MSLN: variants seen among roughly 807,000 people sequenced by gnomAD.
The protein encoded by MSLN is mesothelin.
In MSLN, 82 loss-of-function variants were observed where a neutral mutation model predicts 72.6. That is an observed-to-expected ratio of 1.13 (90% CI 0.94 to 1.36). The LOEUF is 1.36. Ranked by LOEUF, MSLN falls within the 40% of genes most tolerant of loss-of-function variation. The probability of loss-of-function intolerance (pLI) is 0.00; values close to 1 mark genes in which losing one functional copy is unlikely to be tolerated. For missense variants in MSLN, 1,005 were observed against 847.9 expected, an observed-to-expected ratio of 1.19 and a Z score of -2.30; for synonymous variants, 456 against 387.3, an observed-to-expected ratio of 1.18 and a Z score of -2.08.
At chr16:762,872 G>T (rs1055862768) in intron 3 of MSLN, 107 bp downstream of exon 3, 4 of 932,728 alleles carry the variant, frequency 4.3e-6, no homozygotes, top group Non-Finnish European at 6.4e-6. Flanking sequence ...TGGAGTGCCT[G>T]TGGTGGCCAC....
At position 764,632 on chromosome 16, in the gene MSLN, TC is replaced by T. The variant is rs1567356512; in HGVS notation, c.301-12del. 1.9e-6 allele frequency: 3 copies of T among 1,610,848 alleles called. No individual in the cohort carries two copies. Among genetic ancestry groups the T allele is most frequent in the Non-Finnish European group, 2.5e-6 (3 of 1,178,404 alleles). Reference sequence around the variant, plus strand: ...CGGCTCGAAACGCTCTGTGCTGGACTCCCTGCCCCTGCAGCTGCGCTGTCTG... The same window carrying T: ...CGGCTCGAAACGCTCTGTGCTGGACTCCTGCCCCTGCAGCTGCGCTGTCTG... On this transcript the variant is annotated splice_polypyrimidine_tract_variant and intron_variant, in intron 6 of 17. Coordinates refer to ENST00000545450, the MANE Select transcript of MSLN (RefSeq NM_005823.6).
chr16:763,260 C>A lies in MSLN; in HGVS notation c.113C>A (p.Ala38Asp). Residue 38 changes from alanine to aspartate, a missense_variant, in exon 4 of 18, where the codon GCT (alanine) becomes GAT (aspartate). Ala to Asp is a moderately radical substitution (Grantham distance 126). Coordinates refer to ENST00000545450, the MANE Select transcript of MSLN (RefSeq NM_005823.6). ...TGGGTGCAGCCCTCGAGGACCCTGG[C>A]TGGAGAGACAGGGCAGGTAAGGTCC... Reference protein sequence around the residue: ...LGWVQPSRTLAGETGQEAAPL... With the variant: ...LGWVQPSRTLDGETGQEAAPL... 1 of 1,542,606 alleles carries A rather than the reference C, an allele frequency of 6.5e-7. No individual in the cohort carries two copies. The highest frequency in any genetic ancestry group is 1.2e-5 in the South Asian group (1 of 82,606).
At chr16:763,771 C>CTCCAGCAT in intron 5 of MSLN, 80 bp downstream of exon 5, 1 of 1,057,216 alleles carries the variant, frequency 9.5e-7, no homozygotes. Flanking sequence ...GCACCCCATC[C>CTCCAGCAT]CCCAGCATCC....
Position 763,629 on chromosome 16 carries a change from C to T in MSLN, c.130-13C>T. 6.3e-7 allele frequency: 1 copy of T among 1,596,180 alleles called. No individual in the cohort carries two copies. The highest frequency in any genetic ancestry group is 1.3e-5 in the African/African-American group (1 of 74,538). On this transcript the variant is annotated splice_polypyrimidine_tract_variant and intron_variant, in intron 4 of 17. Coordinates refer to ENST00000545450, the MANE Select transcript of MSLN (RefSeq NM_005823.6). ...CTGGTCTGAGCCATGTTCAGCAGGCCCTGTGTCCCCAGGAGGCTGCGCCCC... is the reference window on the plus strand; with the variant it reads ...CTGGTCTGAGCCATGTTCAGCAGGCTCTGTGTCCCCAGGAGGCTGCGCCCC...
At position 768,454 on chromosome 16, in the gene MSLN, C is replaced by T. The variant is rs552172354; in HGVS notation, c.1672C>T (p.Pro558Ser). 1 of 1,542,562 alleles carries T rather than the reference C, an allele frequency of 6.5e-7. No individual in the cohort carries two copies. Among genetic ancestry groups the T allele is most frequent in the East Asian group, 2.3e-5 (1 of 44,116 alleles). The stretch of plus-strand genomic sequence containing the variant: ...CCTGAAGGCGGAGGAGCGGCACCGC[C>T]CGGTGCGGGACTGGATCCTACGGCA... ...EGLKAEERHR[P>S]VRDWILRQRQ... The change falls in exon 17 of 18, where the codon CCG becomes TCG. Residue 558 changes from proline to serine, a missense_variant. By Grantham distance (74) the Pro-to-Ser change is moderately conservative. Transcript: ENST00000545450.
rs1225547680 is a variant in MSLN, at chr16:765,174, T to C, written c.575T>C (p.Leu192Pro). The C allele has an allele frequency of 1.9e-6, 3 of 1,600,782 alleles. No homozygotes were observed. Among genetic ancestry groups the C allele is most frequent in the South Asian group, 1.1e-5 (1 of 90,520 alleles). Residue 192 changes from leucine to proline, a missense_variant, in exon 9 of 18, where the codon CTG becomes CCG. Transcript: ENST00000545450. The part of the protein sequence containing the change: ...VRALGGLACD[L>P]PGRFVAESAE... ...GCTCTGGGAGGCCTGGCTTGCGACC[T>C]GCCTGGGCGCTTTGTGGCCGAGTCG... is the stretch of plus-strand genomic sequence containing the variant.
At position 766,465 on chromosome 16, in the gene MSLN, A is replaced by G. The variant is rs746803292; in HGVS notation, c.1205A>G (p.Asn402Ser). ...ACCCTGAAGGCTTTGCTTGAAGTCAACAAAGGGCACGAAATGAGTCCTCAG... is the reference window on the plus strand; with the variant it reads ...ACCCTGAAGGCTTTGCTTGAAGTCAGCAAAGGGCACGAAATGAGTCCTCAG... ...LETLKALLEVNKGHEMSPQVA... is the reference protein window; with the variant it reads ...LETLKALLEVSKGHEMSPQVA... Residue 402 changes from asparagine (N) to serine (S), a missense_variant, in exon 13 of 18, where the codon AAC becomes AGC. Physicochemically the swap from Asn to Ser is conservative, Grantham distance 46 (BLOSUM62 1). Transcript: ENST00000545450. 1 of 1,612,676 alleles carries G rather than the reference A, an allele frequency of 6.2e-7. No homozygotes were observed. The highest frequency in any genetic ancestry group is 8.5e-7 in the Non-Finnish European group (1 of 1,179,910).
Position 766,039 on chromosome 16 carries a change from C to T in MSLN, c.896-20C>T. ...GTCAAACGAACTCCGGCCCTGACCCCTGACCCCTGTGCCCTGCAGAGACAG... is the reference window on the plus strand; with the variant it reads ...GTCAAACGAACTCCGGCCCTGACCCTTGACCCCTGTGCCCTGCAGAGACAG... On this transcript the variant is annotated intron_variant, in intron 11 of 17. Coordinates refer to ENST00000545450, the MANE Select transcript of MSLN (RefSeq NM_005823.6). 6.3e-7 allele frequency: 1 copy of T among 1,591,220 alleles called. No individual in the cohort carries two copies. Among genetic ancestry groups the T allele is most frequent in the South Asian group, 1.1e-5 (1 of 89,648 alleles).
rs35935235 is a variant in MSLN at position 766,977 on chromosome 16, G to A, written c.1466G>A (p.Gly489Glu). The change falls in exon 15 of 18, where the codon GGG (glycine) becomes GAG (glutamate). Residue 489 changes from glycine to glutamate, a missense_variant. Coordinates refer to ENST00000545450, the MANE Select transcript of MSLN (RefSeq NM_005823.6). The stretch of plus-strand genomic sequence containing the variant: ...CGCCTTGCTTTCCAGAACATGAACG[G>A]GTCCGAATACTTCGTGAAGATCCAG... ...KARLAFQNMNGSEYFVKIQSF... is the reference protein window; with the variant it reads ...KARLAFQNMNESEYFVKIQSF... The A allele has an allele frequency of 0.04, 63,778 of 1,612,572 alleles. 1,524 individuals carry two copies. The highest frequency in any genetic ancestry group is 0.045 in the Non-Finnish European group (52,722 of 1,179,844).
In MSLN at chr16:762,861, C is replaced by G. The variant is rs1057429748; in HGVS notation, c.85+96C>G. On this transcript the variant is annotated intron_variant, in intron 3 of 17. Coordinates refer to ENST00000545450, the MANE Select transcript of MSLN (RefSeq NM_005823.6). The stretch of plus-strand genomic sequence containing the variant: ...GGCTTTGCCTGCCCCTGCCTTCTCC[C>G]TGGAGTGCCTGTGGTGGCCACGTCT... 4 of 1,044,278 alleles carry G rather than the reference C, an allele frequency of 3.8e-6. No individual in the cohort carries two copies. In the African/African-American group the frequency reaches 6.5e-5, roughly 17 times the overall value. 64.7% of individuals were successfully genotyped at this position (1,044,278 alleles called of 1,614,324 possible).
chr16:761,893 G>A (rs911129654), intron 2 of MSLN, among the ~76,000 whole-genome samples: 7 of 152,212 alleles, frequency 4.6e-5, no homozygotes, highest in Non-Finnish European at 7.4e-5. Flanking sequence ...ATTCTACTCC[G>A]CCATGGTGGC....
In MSLN at chr16:766,770, A is replaced by G. The variant is rs1567358895; in HGVS notation, c.1333A>G (p.Ser445Gly). ...AFYPGYLCSL[S>G]PEELSSVPPS... ...CTACCCTGGGTACCTGTGCTCCCTC[A>G]GCCCCGAGGAGCTGAGCTCCGTGCC... The change falls in exon 14 of 18, where the codon AGC (serine) becomes GGC (glycine). Residue 445 changes from serine (S) to glycine (G), a missense_variant. Physicochemically the swap from Ser to Gly is moderately conservative, Grantham distance 56 (BLOSUM62 0). Transcript: ENST00000545450. 6.2e-7 allele frequency: 1 copy of G among 1,612,604 alleles called. No individual in the cohort carries two copies. The highest frequency in any genetic ancestry group is 1.7e-5 in the Admixed American group (1 of 60,018).
chr16:766,413 C>T lies in MSLN; in HGVS notation c.1153C>T (p.Arg385Cys), dbSNP rs747380787. The T allele has an allele frequency of 1.2e-4, 195 of 1,612,584 alleles. No homozygotes were observed. Among genetic ancestry groups the T allele is most frequent in the Middle Eastern group, 3.3e-4 (2 of 6,082 alleles). Residue 385 changes from arginine (R) to cysteine (C), a missense_variant, in exon 13 of 18, where the codon CGC becomes TGC. Coordinates refer to ENST00000545450, the MANE Select transcript of MSLN (RefSeq NM_005823.6). ...LFLKMSPEDI[R>C]KWNVTSLETL... ...CCTCAAGATGAGCCCTGAGGACATT[C>T]GCAAGTGGAATGTGACGTCCCTGGA...
intron 2 of MSLN, among the ~76,000 whole-genome samples, chr16:761,507 T>C (rs1004213087): frequency 3.3e-5 from 5 of 152,154 alleles, no homozygotes; most frequent in Non-Finnish European, 5.9e-5. Context: ...CTGAGGTCCT[T>C]GGGTCACATG....
intron 6 of MSLN, 151 bp downstream of exon 6, chr16:764,294 C>T (rs2041574695): frequency 6.0e-6 from 7 of 1,173,828 alleles, no homozygotes; most frequent in South Asian, 3.1e-5. Flanking sequence ...TCTGGCCACC[C>T]AAGCTGACCA....
At chr16:761,636 G>T (rs1484371404) in intron 2 of MSLN, among the ~76,000 whole-genome samples, 1 of 152,212 alleles carries the variant, frequency 6.6e-6, no homozygotes, top group Non-Finnish European at 1.5e-5. Flanking sequence ...CTGTGGGGGG[G>T]GTCTGTTTTC....
At position 768,393 on chromosome 16, in the gene MSLN, TG is replaced by T; in HGVS notation, c.1612del (p.Glu538ArgfsTer13). ...GTCTCTGGCAGCCGTTGACTGTGGC[TG>T]AGGTGCAGAAACTTCTGGGACCCCA... Reference protein sequence around the residue: ...TDAVLPLTVAEVQKLLGPHVE... With the variant: ...TDAVLPLTVAXVQKLLGPHVE... On this transcript the variant is annotated frameshift_variant, in exon 17 of 18. Transcript: ENST00000545450. LOFTEE classifies it high-confidence loss of function. 2 of 1,507,974 alleles carry T rather than the reference TG, an allele frequency of 1.3e-6. No homozygotes were observed. The highest frequency in any genetic ancestry group is 1.8e-6 in the Non-Finnish European group (2 of 1,127,038). 93.4% of individuals were successfully genotyped at this position (1,507,974 alleles called of 1,614,324 possible). A position where few individuals can be genotyped will look rare whatever the true frequency, so the allele number is the denominator to read the frequency against.
chr16:765,492 G>C (rs199593245), intron 9 of MSLN, 35 bp from the exon 10 acceptor site: 7 of 1,566,900 alleles, frequency 4.5e-6, no homozygotes, highest in African/African-American at 2.7e-5. Context: ...GGCTGCACGT[G>C]GGGGGTCCCT....
At position 764,836 on chromosome 16, in the gene MSLN, G is replaced by A. The variant is rs906753662; in HGVS notation, c.381-71G>A. On this transcript the variant is annotated intron_variant, in intron 7 of 17. Coordinates refer to ENST00000545450, the MANE Select transcript of MSLN (RefSeq NM_005823.6). Reference sequence around the variant, plus strand: ...AGGCCACAGCAGAGATGTGGAGGCCGGCCGGGCTGCCTCTCAGGGTGGGGA... The same window carrying A: ...AGGCCACAGCAGAGATGTGGAGGCCAGCCGGGCTGCCTCTCAGGGTGGGGA... 1.8e-5 allele frequency: 28 copies of A among 1,590,056 alleles called. No individual in the cohort carries two copies. In the East Asian group the frequency reaches 2.3e-4, roughly 13 times the overall value.
Sources: allele counts gnomAD v4.1 joint callset (sites outside exome capture counted in the v4.1 genomes callset), GRCh38; gene constraint gnomAD v4.1.1; transcripts MANE v1.5; gene names NCBI Gene and HGNC (gene_info 2026-07-23, HGNC 2026-07-21).